The following KCNMA1 variants were observed in gnomAD, a reference collection of about 807,000 sequenced individuals.
KCNMA1 encodes the protein Calcium-activated potassium channel subunit alpha-1.
In KCNMA1, 29 loss-of-function variants were observed where a neutral mutation model predicts 140.0. That is an observed-to-expected ratio of 0.21 (90% confidence interval 0.15 to 0.28). KCNMA1 has a LOEUF of 0.28. Ranked by LOEUF, KCNMA1 falls within the 10% of genes least tolerant of loss-of-function variation. The probability of loss-of-function intolerance (pLI) is 1.00; values close to 1 mark genes in which losing one functional copy is unlikely to be tolerated. For synonymous variants in KCNMA1, 612 were observed against 611.9 expected, an observed-to-expected ratio of 1.00 and a Z score of 0.00; for missense variants, 880 against 1,602.2, an observed-to-expected ratio of 0.55 and a Z score of 7.70.
At chr10:77,286,609 C>T (rs2070950596) in intron 2 of KCNMA1, among the ~76,000 whole-genome samples, 1 of 152,138 alleles carries the variant, frequency 6.6e-6, no homozygotes, top group Non-Finnish European at 1.5e-5. Flanking sequence ...GAAGGAGGCT[C>T]CCAATTAATT....
chr10:76,944,592 T>A (rs555567160), intron 23 of KCNMA1, among the ~76,000 whole-genome samples, 181 bp downstream of exon 23: 1 of 152,196 alleles, frequency 6.6e-6, no homozygotes, highest in Non-Finnish European at 1.5e-5. Flanking sequence ...GTCTCAAGCC[T>A]GCATTCTGGA....
intron 13 of KCNMA1, among the ~76,000 whole-genome samples, chr10:77,074,803 T>G (rs1187275270): frequency 6.6e-6 from 1 of 152,206 alleles, no homozygotes; most frequent in Non-Finnish European, 1.5e-5. Context: ...GGAGGTTGAA[T>G]CAGAGAGCCC....
At chr10:77,375,154 T>G (rs987264064) in intron 2 of KCNMA1, among the ~76,000 whole-genome samples, 2 of 152,120 alleles carry the variant, frequency 1.3e-5, no homozygotes, top group East Asian at 3.9e-4. Flanking sequence ...TGTGGCACCA[T>G]TGGCGGGGGA....
chr10:76,980,797 G>C (rs913271915), intron 19 of KCNMA1, among the ~76,000 whole-genome samples: 1 of 152,122 alleles, frequency 6.6e-6, no homozygotes, highest in Non-Finnish European at 1.5e-5. Context: ...CCGAAATAAA[G>C]ATTTTAAGGC....
At chr10:77,334,399 G>T (rs534442913) in intron 2 of KCNMA1, among the ~76,000 whole-genome samples, 4 of 152,264 alleles carry the variant, frequency 2.6e-5, no homozygotes, top group African/African-American at 9.6e-5. Flanking sequence ...ATTTGAGGGC[G>T]CTTGGTCTTA....
At chr10:77,059,793 C>A in intron 14 of KCNMA1, among the ~76,000 whole-genome samples, 1 of 152,044 alleles carries the variant, frequency 6.6e-6, no homozygotes, top group East Asian at 1.9e-4. Flanking sequence ...CCCTTGAAGA[C>A]AGGTGACAAA....
intron 6 of KCNMA1, 54 bp downstream of exon 6, chr10:77,120,919 T>A: frequency 1.0e-6 from 1 of 973,052 alleles, no homozygotes; most frequent in Middle Eastern, 2.2e-4. Context: ...ACCTGATATT[T>A]GCAACTTGGC....
chr10:77,046,566 G>A (rs16934208), intron 14 of KCNMA1, among the ~76,000 whole-genome samples: 4,264 of 152,224 alleles, frequency 0.028, 228 homozygotes, highest in East Asian at 0.21. Context: ...TGAATCTTGC[G>A]TTTTCTCATT....
Position 77,594,201 on chromosome 10 carries a change from C to T in KCNMA1, c.378+43064G>A, listed in dbSNP as rs570996016. The stretch of plus-strand genomic sequence containing the variant: ...CAGAGGTGCCAGGTTTACAGCCGTT[C>T]TGTCCCTGCCATCCAAGCTTTCCTA... On this transcript the variant is annotated intron_variant, in intron 1 of 27. Transcript: ENST00000286628. 8.2e-4 allele frequency among the ~76,000 whole-genome samples: 125 copies of T among 152,326 alleles called. 1 individual carries two copies. Among genetic ancestry groups the T allele is most frequent in the African/African-American group, 2.7e-3 (113 of 41,572 alleles).
intron 15 of KCNMA1, among the ~76,000 whole-genome samples, chr10:77,035,348 G>A (rs771781527): frequency 6.6e-6 from 1 of 152,070 alleles, no homozygotes; most frequent in Non-Finnish European, 1.5e-5. Context: ...CAGCCTACAG[G>A]GAGATGTCCC....
intron 1 of KCNMA1, among the ~76,000 whole-genome samples, chr10:77,417,078 A>G (rs1220090312): frequency 2.6e-5 from 4 of 151,282 alleles, no homozygotes; most frequent in Non-Finnish European, 5.9e-5. Flanking sequence ...GGCTGTTCCC[A>G]CTCCTGGGAT....
intron 19 of KCNMA1, among the ~76,000 whole-genome samples, chr10:76,984,962 G>C (rs1414215172): frequency 1.3e-5 from 2 of 152,198 alleles, no homozygotes; most frequent in Non-Finnish European, 2.9e-5. Context: ...AGAGTACCTA[G>C]AATCCAGGTA....
chr10:77,615,646 C>T (rs1041817633), intron 1 of KCNMA1, among the ~76,000 whole-genome samples: 2 of 152,164 alleles, frequency 1.3e-5, no homozygotes, highest in Non-Finnish European at 2.9e-5. Context: ...TCTCTCCATT[C>T]CCCTCTCCCT....
intron 1 of KCNMA1, among the ~76,000 whole-genome samples, chr10:77,505,946 G>A (rs914127054): frequency 2.6e-5 from 4 of 152,142 alleles, no homozygotes; most frequent in African/African-American, 9.7e-5. Context: ...CTAGAAAAGA[G>A]ACAGCAGCAG....
At chr10:77,007,651 G>T (rs958678617) in intron 18 of KCNMA1, among the ~76,000 whole-genome samples, 1 of 8,412 alleles carries the variant, frequency 1.2e-4, no homozygotes, top group African/African-American at 6.1e-4. Flanking sequence ...TATTGTGTGT[G>T]TGTATATATA....
At chr10:77,164,407 C>A (rs751196774) in intron 5 of KCNMA1, among the ~76,000 whole-genome samples, 2 of 152,168 alleles carry the variant, frequency 1.3e-5, no homozygotes, top group African/African-American at 4.8e-5. Context: ...GAAGATTCTC[C>A]TTCCATGCAC....
chr10:77,401,378 A>G (rs754348070), intron 2 of KCNMA1, among the ~76,000 whole-genome samples: 5 of 152,034 alleles, frequency 3.3e-5, no homozygotes, highest in Non-Finnish European at 5.9e-5. Context: ...GATGGTCTCG[A>G]TCTCCGGACC....
At chr10:77,349,624 T>G (rs562386617) in intron 2 of KCNMA1, among the ~76,000 whole-genome samples, 1 of 152,298 alleles carries the variant, frequency 6.6e-6, no homozygotes, top group East Asian at 1.9e-4. Context: ...AAGAAACTTA[T>G]CAGCAGTTCT....
intron 19 of KCNMA1, chr10:76,979,631 A>G (rs571033472): frequency 6.6e-6 from 1 of 152,318 alleles, no homozygotes; most frequent in African/African-American, 2.4e-5. Flanking sequence ...CTAATTGTGT[A>G]TATGTGAAAC....
Sources: gnomAD v4.1 joint callset for allele counts (sites outside exome capture counted in the v4.1 genomes callset) on GRCh38, gnomAD v4.1.1 for gene constraint, MANE v1.5 for transcripts, NCBI Gene and HGNC (gene_info 2026-07-23, HGNC 2026-07-21) for gene names.